The following INVS variants were observed in gnomAD, a reference collection of about 807,000 sequenced individuals.
INVS encodes inversin, also known as inversion of embryo turning homolog.
Under a neutral mutation model 108.8 loss-of-function variants are expected in INVS, and 86 were observed. The observed-to-expected ratio is 0.79, with a 90% CI of 0.66 to 0.95. The LOEUF (loss-of-function observed/expected upper bound fraction) is 0.95, where lower values mean the gene tolerates loss of function less well. Ranked by LOEUF, INVS falls within the 40% of genes least tolerant of loss-of-function variation. INVS has a pLI of 0.00. For missense variants in INVS, 1,169 were observed against 1,297.4 expected (o/e 0.90, Z 1.52); for synonymous variants, 455 against 473.5 (o/e 0.96, Z 0.51).
At position 100,264,919 on chromosome 9, in the gene INVS, A is replaced by G; in HGVS notation, c.1562A>G (p.Asn521Ser). 1.9e-6 allele frequency: 3 copies of G among 1,600,480 alleles called. No individual in the cohort carries two copies. In the South Asian group the frequency reaches 3.3e-5, roughly 18 times the overall value. ...FAAFPNQMEN[N>S]EERYTPLDYA... Reference sequence around the variant, plus strand: ...GCTTTCCCTAATCAGATGGAAAACAATGAAGAGAGGTAAGTTGTTGTTGAC... The same window carrying G: ...GCTTTCCCTAATCAGATGGAAAACAGTGAAGAGAGGTAAGTTGTTGTTGAC... The change falls in exon 11 of 17, where the codon AAT becomes AGT. Residue 521 changes from asparagine to serine, a missense_variant. By Grantham distance (46) the Asn-to-Ser change is conservative. Coordinates refer to ENST00000262457, the MANE Select transcript of INVS (RefSeq NM_014425.5).
intron 3 of INVS, among the ~76,000 whole-genome samples, chr9:100,180,845 A>G (rs1203404160): frequency 5.9e-5 from 9 of 152,192 alleles, no homozygotes; most frequent in Admixed American, 3.9e-4. Flanking sequence ...ATTTCAGGCC[A>G]ATATCCCTGA....
At chr9:100,205,537 C>T (rs892972905) in intron 3 of INVS, among the ~76,000 whole-genome samples, 1 of 151,952 alleles carries the variant, frequency 6.6e-6, no homozygotes, top group African/African-American at 2.4e-5. Context: ...ATACTTGAAA[C>T]AAGAGTAATA....
chr9:100,297,114 C>A lies in INVS; in HGVS notation c.2984C>A (p.Ser995Tyr). ...TCCAAGGGCACCTCAGGCACAAAGT[C>A]CACCAAGCACTCAGTGCTTAAGCAA... The part of the protein sequence containing the change: ...SPSKGTSGTK[S>Y]TKHSVLKQIY... The change falls in exon 15 of 17, where the codon TCC (serine) becomes TAC (tyrosine). Residue 995 changes from serine (S) to tyrosine (Y), a missense_variant. By Grantham distance (144) the Ser-to-Tyr change is moderately radical (BLOSUM62 -2). Coordinates refer to ENST00000262457, the MANE Select transcript of INVS (RefSeq NM_014425.5). 6.2e-7 allele frequency: 1 copy of A among 1,614,050 alleles called. No individual in the cohort carries two copies. The highest frequency in any genetic ancestry group is 8.5e-7 in the Non-Finnish European group (1 of 1,179,988).
chr9:100,231,840 A>T (rs1483872844), intron 5 of INVS, among the ~76,000 whole-genome samples: 1 of 152,206 alleles, frequency 6.6e-6, no homozygotes, highest in Non-Finnish European at 1.5e-5. Context: ...TTATAGTAGA[A>T]TGATTTATAA....
intron 3 of INVS, among the ~76,000 whole-genome samples, chr9:100,214,448 T>A (rs1039672276): frequency 2.0e-5 from 3 of 152,226 alleles, no homozygotes; most frequent in Non-Finnish European, 1.5e-5. Context: ...TCACTTTATT[T>A]CAGGATTTGT....
At chr9:100,203,016 G>A (rs183829719) in intron 3 of INVS, among the ~76,000 whole-genome samples, 87 of 152,330 alleles carry the variant, frequency 5.7e-4, no homozygotes, top group Admixed American at 1.0e-3. Flanking sequence ...TGGGCTTGTA[G>A]AGGATGAGTG....
At chr9:100,150,801 G>A (rs1280659823) in intron 3 of INVS, among the ~76,000 whole-genome samples, 2 of 152,062 alleles carry the variant, frequency 1.3e-5, no homozygotes, top group African/African-American at 2.4e-5. Context: ...CCAATCATAG[G>A]ACCAATAAAG....
chr9:100,160,415 A>G (rs1337540802), intron 3 of INVS, among the ~76,000 whole-genome samples: 1 of 152,224 alleles, frequency 6.6e-6, no homozygotes, highest in Non-Finnish European at 1.5e-5. Flanking sequence ...TGGATGTCTA[A>G]TTGACTGTCT....
chr9:100,267,466 T>C (rs1832829729), intron 11 of INVS, among the ~76,000 whole-genome samples: 1 of 152,238 alleles, frequency 6.6e-6, no homozygotes, highest in African/African-American at 2.4e-5. Flanking sequence ...CATTCCCACA[T>C]GGCAGGTCCA....
At chr9:100,296,363 T>TAGTA (rs956551754) in intron 14 of INVS, among the ~76,000 whole-genome samples, 2 of 152,162 alleles carry the variant, frequency 1.3e-5, no homozygotes, top group African/African-American at 4.8e-5. Flanking sequence ...AGACTTATCT[T>TAGTA]AGTAAGATGC....
chr9:100,143,040 A>G (rs1053472663), intron 3 of INVS, among the ~76,000 whole-genome samples: 1 of 152,184 alleles, frequency 6.6e-6, no homozygotes, highest in African/African-American at 2.4e-5. Flanking sequence ...GACTGAAGTA[A>G]TGGGGGCTGT....
intron 1 of INVS, among the ~76,000 whole-genome samples, chr9:100,100,786 TTATATATATAA>T (rs1164085972): frequency 2.3e-4 from 1 of 4,324 alleles, no homozygotes; most frequent in African/African-American, 2.4e-3. Flanking sequence ...ATAATATATA[TTATATATATAA>T]TATATGTATA....
chr9:100,203,185 A>G (rs1459824924), intron 3 of INVS, among the ~76,000 whole-genome samples: 1 of 152,190 alleles, frequency 6.6e-6, no homozygotes, highest in East Asian at 1.9e-4. Flanking sequence ...CTTTTGATAA[A>G]GTAGCTTGAA....
At chr9:100,152,153 ATATT>A (rs1274081364) in intron 3 of INVS, among the ~76,000 whole-genome samples, 3 of 152,108 alleles carry the variant, frequency 2.0e-5, no homozygotes, top group Non-Finnish European at 2.9e-5. Flanking sequence ...ACACTGAAAT[ATATT>A]TATTTGTTTA....
At chr9:100,277,462 A>G (rs544865465) in intron 12 of INVS, among the ~76,000 whole-genome samples, 1 of 152,160 alleles carries the variant, frequency 6.6e-6, no homozygotes, top group Non-Finnish European at 1.5e-5. Context: ...TCAGATTTTC[A>G]TCAGTAAAAT....
intron 2 of INVS, among the ~76,000 whole-genome samples, chr9:100,108,091 T>C (rs1344631304): frequency 6.6e-6 from 1 of 152,134 alleles, no homozygotes; most frequent in Non-Finnish European, 1.5e-5. Context: ...TAAAATGAAT[T>C]CATTAATGCT....
intron 3 of INVS, among the ~76,000 whole-genome samples, chr9:100,145,954 A>G (rs1828596114): frequency 6.6e-6 from 1 of 152,224 alleles, no homozygotes; most frequent in African/African-American, 2.4e-5. Context: ...GAGATTAAGA[A>G]GAGGCGGCTT....
chr9:100,157,334 G>C (rs532657474), intron 3 of INVS, among the ~76,000 whole-genome samples: 42 of 147,640 alleles, frequency 2.8e-4, no homozygotes, highest in African/African-American at 1.1e-3. Context: ...GCACAATCTC[G>C]GCTCACTGCA....
chr9:100,119,495 C>G (rs846755), intron 2 of INVS, among the ~76,000 whole-genome samples: 69,350 of 152,122 alleles, frequency 0.46, 17,286 homozygotes, highest in East Asian at 0.9. Context: ...AGACTGCAGT[C>G]AAGGCGTCAG....
Sources: gnomAD v4.1 joint callset for allele counts (sites outside exome capture counted in the v4.1 genomes callset) on GRCh38, gnomAD v4.1.1 for gene constraint, MANE v1.5 for transcripts, NCBI Gene and HGNC (gene_info 2026-07-23, HGNC 2026-07-21) for gene names.